The following MCC variants were observed in gnomAD, a reference collection of about 807,000 sequenced individuals.
MCC encodes colorectal mutant cancer protein.
A neutral mutation model predicts 116.2 loss-of-function variants in MCC; 90 were observed. The observed-to-expected ratio is 0.77, with a 90% CI of 0.65 to 0.92. The LOEUF (loss-of-function observed/expected upper bound fraction) is 0.92. MCC is among the 40% of genes least tolerant of loss of function. The pLI is 0.00. For synonymous variants in MCC, 578 were observed against 510.5 expected, an observed-to-expected ratio of 1.13 and a Z score of -1.78; for missense variants, 1,516 against 1,312.2, an observed-to-expected ratio of 1.16 and a Z score of -2.40.
At chr5:113,063,112 T>C (rs899038261) in intron 14 of MCC, among the ~76,000 whole-genome samples, 1 of 152,230 alleles carries the variant, frequency 6.6e-6, no homozygotes, top group African/African-American at 2.4e-5. Context: ...CAAGGTTTCC[T>C]AACCTGTGAA....
chr5:113,122,182 C>T (rs1189144294), intron 6 of MCC, among the ~76,000 whole-genome samples: 1 of 152,206 alleles, frequency 6.6e-6, no homozygotes, highest in Non-Finnish European at 1.5e-5. Flanking sequence ...CAACCTCAAA[C>T]ATAATATGAC....
At chr5:113,248,000 G>C (rs905962166) in intron 3 of MCC, among the ~76,000 whole-genome samples, 2 of 152,090 alleles carry the variant, frequency 1.3e-5, no homozygotes, top group Non-Finnish European at 2.9e-5. Context: ...AGGAGTCCCA[G>C]ATCTCAGCCT....
At position 113,385,794 on chromosome 5, in the gene MCC, C is replaced by A. The variant is rs1581444243; in HGVS notation, c.171-582G>T. Among the ~76,000 whole-genome samples the A allele has an allele frequency of 2.0e-5, 3 of 152,198 alleles. No individual in the cohort carries two copies. In the South Asian group the frequency reaches 6.2e-4, roughly 32 times the overall value. ...TGAGTATTTTCCACCTTCCCACAAG[C>A]AATCAGTGAGCCCTAAGACTAAGAG... On this transcript the variant is annotated intron_variant, in intron 1 of 18. Coordinates refer to ENST00000408903, the MANE Select transcript of MCC (RefSeq NM_001085377.2).
chr5:113,407,570 G>A (rs776041332), intron 1 of MCC, among the ~76,000 whole-genome samples: 2 of 152,134 alleles, frequency 1.3e-5, no homozygotes, highest in African/African-American at 2.4e-5. Flanking sequence ...GCATCACCTG[G>A]TTAAATAATT....
intron 3 of MCC, among the ~76,000 whole-genome samples, chr5:113,273,469 C>T (rs1168425118): frequency 1.3e-5 from 2 of 152,098 alleles, no homozygotes; most frequent in African/African-American, 4.8e-5. Context: ...GGGTCTTTGA[C>T]TTTTTTGGTA....
At chr5:113,136,366 T>TA (rs1015706227) in intron 5 of MCC, among the ~76,000 whole-genome samples, 2 of 152,184 alleles carry the variant, frequency 1.3e-5, no homozygotes, top group African/African-American at 4.8e-5. Flanking sequence ...AAAATAGACC[T>TA]ACTGATGGTA....
intron 16 of MCC, among the ~76,000 whole-genome samples, chr5:113,044,889 T>G (rs1486361164): frequency 6.6e-6 from 1 of 152,200 alleles, no homozygotes; most frequent in Non-Finnish European, 1.5e-5. Context: ...CAGAAAATTT[T>G]ATAAGATATG....
chr5:113,288,353 T>C (rs1766343638), intron 3 of MCC, among the ~76,000 whole-genome samples: 1 of 152,236 alleles, frequency 6.6e-6, no homozygotes, highest in African/African-American at 2.4e-5. Flanking sequence ...GCACCTCAAG[T>C]ATTGTAACAT....
chr5:113,472,632 A>G (rs364738), intron 1 of MCC, among the ~76,000 whole-genome samples: 104,892 of 152,088 alleles, frequency 0.69, 36,600 homozygotes, highest in East Asian at 0.88. Flanking sequence ...TTAGGAAGTA[A>G]TCTGTAAAGT....
In MCC at chr5:113,085,419, C is replaced by T. The variant is rs552037044; in HGVS notation, c.1399-109G>A. On this transcript the variant is annotated intron_variant, in intron 8 of 18. Transcript: ENST00000408903. ...TCATTTACATTGAGGGATCAGCCCACTGAAAAGCTAGGTTGGTTGAGTCCA... is the reference window on the plus strand; with the variant it reads ...TCATTTACATTGAGGGATCAGCCCATTGAAAAGCTAGGTTGGTTGAGTCCA... The T allele has an allele frequency of 2.3e-5, 25 of 1,101,870 alleles. No homozygotes were observed. In the African/African-American group the frequency reaches 3.3e-4, roughly 15 times the overall value. The allele number at this position is 1,101,870 out of a possible 1,614,324, so 68.3% of individuals were successfully genotyped here.
chr5:113,214,436 A>G (rs1481654491), intron 3 of MCC, among the ~76,000 whole-genome samples: 2 of 152,198 alleles, frequency 1.3e-5, no homozygotes, highest in Admixed American at 1.3e-4. Flanking sequence ...CCATGGAACA[A>G]TGGTAGATCC....
chr5:113,418,260 T>C (rs71577447), intron 1 of MCC, among the ~76,000 whole-genome samples: 21,312 of 149,392 alleles, frequency 0.14, 1,806 homozygotes, highest in Non-Finnish European at 0.2. Context: ...AACTTAAAAG[T>C]ATAATAATAA....
chr5:113,162,500 C>T (rs75534784), intron 3 of MCC, among the ~76,000 whole-genome samples: 8,931 of 149,294 alleles, frequency 0.06, 368 homozygotes, highest in East Asian at 0.17. Flanking sequence ...TTGCAATCTT[C>T]TTTTTTTTTT....
At chr5:113,447,091 G>C (rs1771243443) in intron 1 of MCC, among the ~76,000 whole-genome samples, 1 of 152,176 alleles carries the variant, frequency 6.6e-6, no homozygotes, top group South Asian at 2.1e-4. Flanking sequence ...TTGGGAGGTA[G>C]AGCTGGATGA....
At chr5:113,083,518 A>T (rs1413425329) in intron 10 of MCC, among the ~76,000 whole-genome samples, 1 of 152,222 alleles carries the variant, frequency 6.6e-6, no homozygotes, top group African/African-American at 2.4e-5. Flanking sequence ...CTGAGGATCA[A>T]ATAGCTGGCT....
At chr5:113,132,090 T>TC (rs1258805824) in intron 5 of MCC, among the ~76,000 whole-genome samples, 7 of 151,986 alleles carry the variant, frequency 4.6e-5, no homozygotes, top group Admixed American at 4.6e-4. Flanking sequence ...AAGCGTTTTT[T>TC]TAAATAACGA....
In MCC at chr5:113,169,742, A is replaced by G. The variant is rs562986181; in HGVS notation, c.628-18320T>C. Among the ~76,000 whole-genome samples the G allele has an allele frequency of 6.6e-5, 10 of 152,218 alleles. 1 individual carries two copies. The highest frequency in any genetic ancestry group is 2.4e-4 in the African/African-American group (10 of 41,538). On this transcript the variant is annotated intron_variant, in intron 3 of 18. Transcript: ENST00000408903. Reference sequence around the variant, plus strand: ...TTGAACTGCTGTGGGATGACCTGGGAAAAAAACAGAAAGCTCTGCAATCAG... The same window carrying G: ...TTGAACTGCTGTGGGATGACCTGGGGAAAAAACAGAAAGCTCTGCAATCAG...
At chr5:113,296,232 T>C (rs11744824) in intron 3 of MCC, among the ~76,000 whole-genome samples, 52,938 of 151,964 alleles carry the variant, frequency 0.35, 11,055 homozygotes, top group African/African-American at 0.57. Flanking sequence ...AAACTGCATG[T>C]TTGAAGCTGG....
At chr5:113,049,011 G>C (rs747447251) in intron 16 of MCC, 82 bp downstream of exon 16, 2 of 1,301,180 alleles carry the variant, frequency 1.5e-6, no homozygotes, top group Non-Finnish European at 2.2e-6. Context: ...GCAGCAGGGC[G>C]GTGAGGTGTG....
Sources: gnomAD v4.1 joint callset for allele counts (sites outside exome capture counted in the v4.1 genomes callset) on GRCh38, gnomAD v4.1.1 for gene constraint, MANE v1.5 for transcripts, NCBI Gene and HGNC (gene_info 2026-07-23, HGNC 2026-07-21) for gene names.